RAP1GDS1: variants seen among roughly 807,000 people sequenced by gnomAD.
RAP1GDS1 encodes Rap1 GTPase-GDP dissociation stimulator 1.
A neutral mutation model predicts 71.1 loss-of-function variants in RAP1GDS1; 35 were observed. The observed-to-expected ratio is 0.49, with a 90% confidence interval of 0.38 to 0.65. RAP1GDS1 has a LOEUF of 0.65. Ranked by LOEUF, RAP1GDS1 falls within the 30% of genes least tolerant of loss-of-function variation. The pLI is 0.00. For missense variants in RAP1GDS1, 663 were observed against 706.1 expected, an observed-to-expected ratio of 0.94 and a Z score of 0.69; for synonymous variants, 229 against 243.1, an observed-to-expected ratio of 0.94 and a Z score of 0.54.
intron 12 of RAP1GDS1, among the ~76,000 whole-genome samples, chr4:98,421,786 G>A (rs534598823): frequency 1.3e-5 from 2 of 152,262 alleles, no homozygotes; most frequent in East Asian, 3.9e-4. Flanking sequence ...TCTGGCACAT[G>A]GTAGATAACC....
chr4:98,367,226 G>A (rs1267425388), intron 4 of RAP1GDS1, among the ~76,000 whole-genome samples: 2 of 152,206 alleles, frequency 1.3e-5, no homozygotes, highest in Non-Finnish European at 2.9e-5. Context: ...GGCTTCAGAG[G>A]GTGGAAGCCC....
chr4:98,321,843 A>G (rs879349601), intron 2 of RAP1GDS1, among the ~76,000 whole-genome samples: 6,363 of 117,844 alleles, frequency 0.054, 250 homozygotes, highest in South Asian at 0.21. Context: ...CATCGAGACT[A>G]GGAAGAAACT....
At chr4:98,300,662 A>G (rs992528843) in intron 2 of RAP1GDS1, among the ~76,000 whole-genome samples, 3 of 152,140 alleles carry the variant, frequency 2.0e-5, no homozygotes, top group Non-Finnish European at 2.9e-5. Context: ...TGGCCTCCCA[A>G]ACTGCTAGGA....
At chr4:98,430,222 A>C (rs1750210707) in intron 12 of RAP1GDS1, among the ~76,000 whole-genome samples, 1 of 152,166 alleles carries the variant, frequency 6.6e-6, no homozygotes, top group African/African-American at 2.4e-5. Flanking sequence ...AGCAGAAAAC[A>C]ACTTGAAATT....
At chr4:98,366,138 C>G (rs1739452637) in intron 4 of RAP1GDS1, among the ~76,000 whole-genome samples, 1 of 152,098 alleles carries the variant, frequency 6.6e-6, no homozygotes. Flanking sequence ...CAAATCTCAT[C>G]TTGAATTCCC....
chr4:98,268,745 G>A (rs564978603), intron 1 of RAP1GDS1, among the ~76,000 whole-genome samples: 1 of 151,938 alleles, frequency 6.6e-6, no homozygotes, highest in Non-Finnish European at 1.5e-5. Context: ...AAAATATTTA[G>A]GAATAGATTT....
At chr4:98,321,242 G>A (rs1442506792) in intron 2 of RAP1GDS1, among the ~76,000 whole-genome samples, 15 of 145,296 alleles carry the variant, frequency 1.0e-4, no homozygotes, top group East Asian at 4.2e-4. Flanking sequence ...AAAGAAATGA[G>A]CAAAGCCTCC....
intron 2 of RAP1GDS1, among the ~76,000 whole-genome samples, chr4:98,330,457 T>C (rs1191436027): frequency 7.0e-6 from 1 of 143,846 alleles, no homozygotes; most frequent in Non-Finnish European, 1.5e-5. Context: ...CACTCCTCAC[T>C]TCCCAGACGG....
chr4:98,359,924 T>C (rs1008335424), intron 4 of RAP1GDS1, among the ~76,000 whole-genome samples: 1 of 152,144 alleles, frequency 6.6e-6, no homozygotes. Flanking sequence ...GATAGTTTAT[T>C]ATCAGTTTGG....
chr4:98,261,724 G>A, intron 1 of RAP1GDS1, 155 bp downstream of exon 1: 6 of 1,047,108 alleles, frequency 5.7e-6, no homozygotes, highest in Non-Finnish European at 8.1e-6. Context: ...GGCGCACGCG[G>A]AACGCACGCC....
At chr4:98,265,196 G>A (rs746415925) in intron 1 of RAP1GDS1, among the ~76,000 whole-genome samples, 2 of 152,104 alleles carry the variant, frequency 1.3e-5, no homozygotes, top group Admixed American at 6.6e-5. Context: ...TTATGGCAAC[G>A]GGAATAGAAT....
chr4:98,276,496 T>G lies in RAP1GDS1; in HGVS notation c.4+14927T>G, dbSNP rs553987048. 7.2e-5 allele frequency among the ~76,000 whole-genome samples: 11 copies of G among 151,856 alleles called. No individual in the cohort carries two copies. In the South Asian group the frequency reaches 8.3e-4, roughly 11 times the overall value. ...TTTTTTACATACCCTTTTTTTTTTT[T>G]GCATATTGAGTAAAAGAGAATATTT... On this transcript the variant is annotated intron_variant, in intron 1 of 14. Transcript: ENST00000408927.
chr4:98,292,937 G>A lies in RAP1GDS1; in HGVS notation c.5-471G>A, dbSNP rs114912230. 6.9e-3 allele frequency among the ~76,000 whole-genome samples: 1,056 copies of A among 152,214 alleles called. 11 individuals are homozygous for A. The highest frequency in any genetic ancestry group is 0.024 in the African/African-American group (991 of 41,552). On this transcript the variant is annotated intron_variant, in intron 1 of 14. Coordinates refer to ENST00000408927, the MANE Select transcript of RAP1GDS1 (RefSeq NM_001100427.2). Reference sequence around the variant, plus strand: ...AAGTATTTTTGAAATGACAGTGTAAGTTTTGTAGTTATCACACTTTGTATT... The same window carrying A: ...AAGTATTTTTGAAATGACAGTGTAAATTTTGTAGTTATCACACTTTGTATT...
chr4:98,323,648 A>G (rs1732383044), intron 2 of RAP1GDS1, among the ~76,000 whole-genome samples: 1 of 127,460 alleles, frequency 7.8e-6, no homozygotes, highest in South Asian at 2.9e-4. Flanking sequence ...AATCCAGCAT[A>G]TAAACAGAGC....
At chr4:98,436,621 T>C (rs1038079311) in intron 13 of RAP1GDS1, among the ~76,000 whole-genome samples, 8 of 152,194 alleles carry the variant, frequency 5.3e-5, no homozygotes, top group African/African-American at 1.9e-4. Flanking sequence ...AGGTGATAAG[T>C]GCATAAGGTA....
At chr4:98,409,620 AAAG>A (rs1435243334) in intron 7 of RAP1GDS1, 1 of 233,618 alleles carries the variant, frequency 4.3e-6, no homozygotes, top group African/African-American at 2.3e-5. Flanking sequence ...AAAGATAGGA[AAAG>A]AAAAAGAAGG....
intron 2 of RAP1GDS1, among the ~76,000 whole-genome samples, chr4:98,311,323 T>C (rs1413413912): frequency 6.6e-6 from 1 of 152,196 alleles, no homozygotes; most frequent in Non-Finnish European, 1.5e-5. Flanking sequence ...ATGTGGAATT[T>C]TGTCAAAGAC....
chr4:98,309,072 A>G lies in RAP1GDS1; in HGVS notation c.112+15557A>G, dbSNP rs1012902015. 3.3e-5 allele frequency among the ~76,000 whole-genome samples: 5 copies of G among 152,098 alleles called. No individual in the cohort carries two copies. The South Asian group carries it at 1.0e-3, about 32-fold the overall frequency. On this transcript the variant is annotated intron_variant, in intron 2 of 14. Coordinates refer to ENST00000408927, the MANE Select transcript of RAP1GDS1 (RefSeq NM_001100427.2). ...TTGCTTATGATTTCAGTTACTTTAAAAAATGTAGTTTTACACAGATTCACA... is the reference window on the plus strand; with the variant it reads ...TTGCTTATGATTTCAGTTACTTTAAGAAATGTAGTTTTACACAGATTCACA...
chr4:98,308,917 T>C (rs913084118), intron 2 of RAP1GDS1, among the ~76,000 whole-genome samples: 7 of 152,150 alleles, frequency 4.6e-5, no homozygotes, highest in Non-Finnish European at 8.8e-5. Context: ...GCATTGCTTT[T>C]ACCACCAGAA....
Sources: gnomAD v4.1 joint callset for allele counts (sites outside exome capture counted in the v4.1 genomes callset) on GRCh38, gnomAD v4.1.1 for gene constraint, MANE v1.5 for transcripts, NCBI Gene and HGNC (gene_info 2026-07-23, HGNC 2026-07-21) for gene names.